Variants in RIMS1 observed in about 807,000 individuals in gnomAD.
The protein encoded by RIMS1 is regulating synaptic membrane exocytosis protein 1.
Under a neutral mutation model 214.1 loss-of-function variants are expected in RIMS1, and 83 were observed. The observed-to-expected ratio is 0.39, with a 90% CI of 0.32 to 0.47. The LOEUF (loss-of-function observed/expected upper bound fraction) is 0.47. Ranked by LOEUF, RIMS1 falls within the 20% of genes least tolerant of loss-of-function variation. The pLI, the probability that RIMS1 is intolerant of heterozygous loss-of-function variation, is 0.99. For synonymous variants in RIMS1, 793 were observed against 786.8 expected, an observed-to-expected ratio of 1.01 and a Z score of -0.13; for missense variants, 2,050 against 2,161.8, an observed-to-expected ratio of 0.95 and a Z score of 1.03.
At chr6:71,893,423 A>C (rs781066010) in intron 1 of RIMS1, among the ~76,000 whole-genome samples, 2 of 152,212 alleles carry the variant, frequency 1.3e-5, no homozygotes, top group Admixed American at 1.3e-4. Context: ...ATCCTAATTC[A>C]AAAATGAGAA....
At chr6:72,056,050 G>A (rs1490782988) in intron 2 of RIMS1, among the ~76,000 whole-genome samples, 1 of 149,966 alleles carries the variant, frequency 6.7e-6, no homozygotes, top group Admixed American at 6.7e-5. Flanking sequence ...AAGAAAATGT[G>A]GTACATATGC....
chr6:72,245,788 A>G (rs1275830000), intron 10 of RIMS1, 27 bp from the exon 11 acceptor site: 2 of 1,593,392 alleles, frequency 1.3e-6, no homozygotes, highest in South Asian at 2.2e-5. Flanking sequence ...AACTAATGGG[A>G]TTTTCACCAT....
chr6:72,274,282 T>G, intron 22 of RIMS1, 67 bp from the exon 23 acceptor site: 1 of 1,093,552 alleles, frequency 9.1e-7, no homozygotes, highest in Non-Finnish European at 1.4e-6. Context: ...TCTTGTTCCA[T>G]GTATTCTTTT....
intron 29 of RIMS1, among the ~76,000 whole-genome samples, chr6:72,348,660 C>T (rs2097347799): frequency 6.6e-6 from 1 of 151,892 alleles, no homozygotes; most frequent in Admixed American, 6.6e-5. Flanking sequence ...GTTTGGGCTT[C>T]TAGTGTACCC....
At chr6:72,335,241 G>T (rs1308776184) in intron 29 of RIMS1, among the ~76,000 whole-genome samples, 1 of 151,814 alleles carries the variant, frequency 6.6e-6, no homozygotes, top group African/African-American at 2.4e-5. Context: ...GCCCCCACCT[G>T]CTGACAGGCC....
chr6:72,071,279 T>A (rs1432139976), intron 2 of RIMS1, among the ~76,000 whole-genome samples: 2 of 152,022 alleles, frequency 1.3e-5, no homozygotes, highest in African/African-American at 4.8e-5. Flanking sequence ...TTCATGCCTG[T>A]AGTCCCAGCT....
At chr6:72,377,685 T>C (rs980866239) in intron 29 of RIMS1, among the ~76,000 whole-genome samples, 4 of 152,188 alleles carry the variant, frequency 2.6e-5, no homozygotes, top group African/African-American at 9.7e-5. Flanking sequence ...ACTGATTCCA[T>C]CTTTGTGAAT....
chr6:72,326,809 C>T (rs915756403), intron 28 of RIMS1, among the ~76,000 whole-genome samples: 2 of 151,630 alleles, frequency 1.3e-5, no homozygotes, highest in African/African-American at 4.8e-5. Context: ...AAGTAGGGAG[C>T]TTGTACAAGG....
intron 4 of RIMS1, among the ~76,000 whole-genome samples, chr6:72,174,690 A>G (rs2047475672): frequency 6.6e-6 from 1 of 152,208 alleles, no homozygotes; most frequent in Middle Eastern, 3.2e-3. Context: ...AGAATCACAT[A>G]GAAATACTTG....
intron 22 of RIMS1, among the ~76,000 whole-genome samples, chr6:72,267,038 T>A (rs1219378033): frequency 6.6e-6 from 1 of 152,148 alleles, no homozygotes; most frequent in East Asian, 1.9e-4. Context: ...CGTGTGTATA[T>A]ACCTTGTTTT....
intron 2 of RIMS1, among the ~76,000 whole-genome samples, chr6:72,005,583 CA>C (rs1251945526): frequency 6.6e-6 from 1 of 152,082 alleles, no homozygotes; most frequent in Non-Finnish European, 1.5e-5. Context: ...TAAATTCAGG[CA>C]AATAAATAGA....
intron 29 of RIMS1, among the ~76,000 whole-genome samples, chr6:72,360,121 T>C (rs1389898972): frequency 6.6e-6 from 1 of 152,112 alleles, no homozygotes; most frequent in Non-Finnish European, 1.5e-5. Context: ...TGTATAGCCA[T>C]CTCAAACTGC....
chr6:72,301,598 A>AT (rs958083417), intron 26 of RIMS1, among the ~76,000 whole-genome samples: 9 of 151,520 alleles, frequency 5.9e-5, no homozygotes, highest in Admixed American at 5.3e-4. Context: ...GATTCATGAG[A>AT]TTTTTTTAAG....
chr6:72,376,799 G>C (rs1333853436), intron 29 of RIMS1, among the ~76,000 whole-genome samples: 1 of 151,748 alleles, frequency 6.6e-6, no homozygotes, highest in Non-Finnish European at 1.5e-5. Context: ...GATTTCCCTG[G>C]GTTTTTAATC....
At chr6:72,154,876 T>G (rs186912322) in intron 4 of RIMS1, among the ~76,000 whole-genome samples, 1 of 140,292 alleles carries the variant, frequency 7.1e-6, no homozygotes, top group Admixed American at 7.3e-5. Flanking sequence ...GAGGCCCACT[T>G]CTTTCTTGCT....
chr6:72,186,620 C>T (rs962012737), intron 6 of RIMS1, among the ~76,000 whole-genome samples: 8 of 152,000 alleles, frequency 5.3e-5, no homozygotes, highest in Admixed American at 1.3e-4. Context: ...GTGTTGGAGC[C>T]CTTCAGTGTT....
At position 72,348,863 on chromosome 6, in the gene RIMS1, T is replaced by C. The variant is rs570296390; in HGVS notation, c.4366+15028T>C. ...GATAAAAATGTACATTTATGAGAAA[T>C]AATAATGATTGATAAAGATATTAAT... On this transcript the variant is annotated intron_variant, in intron 29 of 33. Transcript: ENST00000521978. Among the ~76,000 whole-genome samples, 150 of 152,066 alleles carry C rather than the reference T, an allele frequency of 9.9e-4. 1 individual carries two copies. Among genetic ancestry groups the C allele is most frequent in the Non-Finnish European group, 1.8e-3 (122 of 67,888 alleles).
chr6:72,402,931 A>G lies in RIMS1; in HGVS notation c.*2217A>G, dbSNP rs945561337. ...TTGTCTGCTGCGGGCATTTGACTTGACTTGTCACTGCACTATATTATGTCT... is the reference window on the plus strand; with the variant it reads ...TTGTCTGCTGCGGGCATTTGACTTGGCTTGTCACTGCACTATATTATGTCT... On this transcript the variant is annotated 3_prime_UTR_variant, in exon 34 of 34. Coordinates refer to ENST00000521978, the MANE Select transcript of RIMS1 (RefSeq NM_014989.7). 2.0e-5 allele frequency: 3 copies of G among 152,584 alleles called. No homozygotes were observed. Among genetic ancestry groups the G allele is most frequent in the Non-Finnish European group, 1.5e-5 (1 of 68,032 alleles). 9.5% of individuals were successfully genotyped at this position (152,584 alleles called of 1,614,324 possible).
chr6:72,174,374 T>TG (rs1470989089), intron 4 of RIMS1, among the ~76,000 whole-genome samples: 2 of 152,224 alleles, frequency 1.3e-5, no homozygotes, highest in Non-Finnish European at 2.9e-5. Flanking sequence ...TTGTCACTTT[T>TG]GGGTTACAAT....
Sources: gnomAD v4.1 joint callset for allele counts (sites outside exome capture counted in the v4.1 genomes callset) on GRCh38, gnomAD v4.1.1 for gene constraint, MANE v1.5 for transcripts, NCBI Gene and HGNC (gene_info 2026-07-23, HGNC 2026-07-21) for gene names.